Variants in ATXN3 observed in about 807,000 individuals in gnomAD.
The protein encoded by ATXN3 is ataxin-3.
ATXN3 carries 28 observed loss-of-function variants against 58.2 expected under a neutral mutation model. The observed-to-expected ratio is 0.48, with a 90% confidence interval of 0.36 to 0.66. The LOEUF (loss-of-function observed/expected upper bound fraction) is 0.66, where lower values mean the gene tolerates loss of function less well. ATXN3 is among the 30% of genes least tolerant of loss of function. The pLI is 0.00. For missense variants in ATXN3, 321 were observed against 422.1 expected, an observed-to-expected ratio of 0.76 and a Z score of 2.10; for synonymous variants, 113 against 138.5, an observed-to-expected ratio of 0.82 and a Z score of 1.29.
downstream of ATXN3, among the ~76,000 whole-genome samples, chr14:92,054,803 G>A (rs542803456): frequency 5.9e-5 from 9 of 152,168 alleles, no homozygotes; most frequent in Non-Finnish European, 1.3e-4. Flanking sequence ...TCCCCGGACT[G>A]GCAGTCTCCA....
At position 92,061,187 on chromosome 14, in the gene ATXN3, T is replaced by C. The variant is rs894112158; in HGVS notation, c.*3133A>G. 1 of 152,030 alleles carries C rather than the reference T, an allele frequency of 6.6e-6. No individual in the cohort carries two copies. Among genetic ancestry groups the C allele is most frequent in the African/African-American group, 2.4e-5 (1 of 41,378 alleles). 9.4% of individuals were successfully genotyped at this position (152,030 alleles called of 1,614,324 possible). A position where few individuals can be genotyped will look rare whatever the true frequency, so the allele number is the denominator to read the frequency against. On this transcript the variant is annotated 3_prime_UTR_variant, in exon 11 of 11. Transcript: ENST00000644486. Reference sequence around the variant, plus strand: ...GCAATGATACTCAACTGGTTTTGAGTTTTTTTCCTCATTTACTTTGGCATC... The same window carrying C: ...GCAATGATACTCAACTGGTTTTGAGCTTTTTTCCTCATTTACTTTGGCATC...
intron 10 of ATXN3, among the ~76,000 whole-genome samples, chr14:92,066,360 T>C (rs1196564631): frequency 6.6e-6 from 1 of 152,136 alleles, no homozygotes; most frequent in Non-Finnish European, 1.5e-5. Flanking sequence ...CATCATACAA[T>C]TTAGAAAATT....
At chr14:92,085,807 T>C (rs2062353837) in intron 6 of ATXN3, among the ~76,000 whole-genome samples, 1 of 152,106 alleles carries the variant, frequency 6.6e-6, no homozygotes, top group Admixed American at 6.6e-5. Flanking sequence ...AGATAAAAGT[T>C]TGGTAATTAT....
intron 9 of ATXN3, among the ~76,000 whole-genome samples, chr14:92,074,471 TC>T (rs2060006271): frequency 6.6e-6 from 1 of 152,244 alleles, no homozygotes; most frequent in South Asian, 2.1e-4. Flanking sequence ...GACTTCATGT[TC>T]CCATCTCTAG....
intron 6 of ATXN3, among the ~76,000 whole-genome samples, chr14:92,087,480 T>C (rs562475945): frequency 1.5e-3 from 228 of 152,202 alleles, no homozygotes; most frequent in Non-Finnish European, 2.9e-3. Flanking sequence ...AATGGATGGA[T>C]AGATCATTTA....
At chr14:92,076,639 T>G (rs2060433735) in intron 9 of ATXN3, among the ~76,000 whole-genome samples, 2 of 151,810 alleles carry the variant, frequency 1.3e-5, no homozygotes, top group Admixed American at 1.3e-4. Flanking sequence ...CATTTTATTT[T>G]GACAAAAAAG....
At chr14:92,046,944 G>T (rs1251144633) in intron 2 of ATXN3, among the ~76,000 whole-genome samples, 2 of 152,188 alleles carry the variant, frequency 1.3e-5, no homozygotes, top group South Asian at 4.1e-4. Flanking sequence ...AAAGTATCTT[G>T]TTGAGAAGAT....
At chr14:92,093,555 C>G (rs1273958611) in intron 4 of ATXN3, 191 bp downstream of exon 4, 18 of 638,024 alleles carry the variant, frequency 2.8e-5, no homozygotes. Context: ...GCCACAGACA[C>G]TGGGGTGCCA....
At chr14:92,051,714 C>CTTTT (rs1309210142), upstream of ATXN3, among the ~76,000 whole-genome samples, 3 of 35,292 alleles carry the variant, frequency 8.5e-5, no homozygotes, top group Non-Finnish European at 2.0e-4. Flanking sequence ...TCTTCTTTTC[C>CTTTT]TTTCTTTTTT....
Position 92,060,139 on chromosome 14 carries a change from C to G in ATXN3, c.*4181G>C, listed in dbSNP as rs1286028321. The G allele has an allele frequency of 6.6e-6, 1 of 151,604 alleles. No individual in the cohort carries two copies. Among genetic ancestry groups the G allele is most frequent in the African/African-American group, 2.4e-5 (1 of 41,308 alleles). The allele number at this position is 151,604 out of a possible 1,614,324, so 9.4% of individuals were successfully genotyped here. A position where few individuals can be genotyped will look rare whatever the true frequency, so the allele number is the denominator to read the frequency against. ...CTCAAACTCCGGACTTCAGGTGATCCACCTGCCTCAGCCTCCCAAAGTGTT... is the reference window on the plus strand; with the variant it reads ...CTCAAACTCCGGACTTCAGGTGATCGACCTGCCTCAGCCTCCCAAAGTGTT... On this transcript the variant is annotated 3_prime_UTR_variant, in exon 11 of 11. Coordinates refer to ENST00000644486, the MANE Select transcript of ATXN3 (RefSeq NM_004993.6).
At chr14:92,096,366 T>A in intron 2 of ATXN3, 1 of 1,341,330 alleles carries the variant, frequency 7.5e-7, no homozygotes, top group Non-Finnish European at 9.9e-7. Flanking sequence ...GGCTCACACC[T>A]ATAATCCCAG....
chr14:92,069,539 ATT>A (rs748324359), intron 10 of ATXN3, among the ~76,000 whole-genome samples: 70 of 151,394 alleles, frequency 4.6e-4, no homozygotes, highest in Non-Finnish European at 8.3e-4. Flanking sequence ...CGCCTGGCTA[ATT>A]TTTGTATTTT....
chr14:92,065,759 T>C lies in ATXN3; in HGVS notation c.992-1345A>G, dbSNP rs2058277518. ...AGCCGGGCATGGTGGCACACGCCTG[T>C]AGTCCCAGCTACTCGGGAGGCTGAG... On this transcript the variant is annotated intron_variant, in intron 10 of 10. Coordinates refer to ENST00000644486, the MANE Select transcript of ATXN3 (RefSeq NM_004993.6). Among the ~76,000 whole-genome samples, 3 of 152,098 alleles carry C rather than the reference T, an allele frequency of 2.0e-5. No homozygotes were observed. The South Asian group carries it at 6.2e-4, about 32-fold the overall frequency.
intron 3 of ATXN3, among the ~76,000 whole-genome samples, chr14:92,094,339 G>C (rs1413343711): frequency 6.6e-6 from 1 of 152,132 alleles, no homozygotes. Context: ...CCAGGTCTCT[G>C]AGATGTTCCA....
intron 6 of ATXN3, among the ~76,000 whole-genome samples, chr14:92,087,698 G>C (rs1287771290): frequency 2.6e-5 from 4 of 152,206 alleles, no homozygotes; most frequent in African/African-American, 9.6e-5. Context: ...AGCAGTAGAA[G>C]AAAGGAAGAA....
chr14:92,045,025 G>C (rs972888560), intron 2 of ATXN3: 1 of 152,272 alleles, frequency 6.6e-6, no homozygotes, highest in South Asian at 2.1e-4. Context: ...AGGACTGGAA[G>C]ATAGTCGCCT....
At chr14:92,052,320 C>T (rs2057451627), upstream of ATXN3, among the ~76,000 whole-genome samples, 2 of 151,852 alleles carry the variant, frequency 1.3e-5, no homozygotes, top group South Asian at 2.1e-4. Context: ...CATGGAGAAA[C>T]CCCGTCTCTA....
intron 9 of ATXN3, among the ~76,000 whole-genome samples, chr14:92,078,425 C>T (rs142189632): frequency 0.072 from 11,021 of 152,034 alleles, 542 homozygotes; most frequent in Non-Finnish European, 0.11. Flanking sequence ...TGCAATGGCA[C>T]GATCTCGGCT....
At chr14:92,081,124 T>C (rs1417924540) in intron 8 of ATXN3, 63 bp from the exon 9 acceptor site, 3 of 1,125,462 alleles carry the variant, frequency 2.7e-6, no homozygotes, top group South Asian at 1.3e-5. Context: ...AGCAACAATA[T>C]GTTTGTTTAT....
Sources: gnomAD v4.1 joint callset for allele counts (sites outside exome capture counted in the v4.1 genomes callset) on GRCh38, gnomAD v4.1.1 for gene constraint, MANE v1.5 for transcripts, NCBI Gene and HGNC (gene_info 2026-07-23, HGNC 2026-07-21) for gene names.